TDRD3: variants seen among roughly 807,000 people sequenced by gnomAD.
TDRD3 encodes the protein tudor domain containing 3.
Under a neutral mutation model 86.7 loss-of-function variants are expected in TDRD3, and 45 were observed. The ratio of observed to expected loss-of-function variants is 0.52; its 90% CI spans 0.41 to 0.67. The LOEUF (loss-of-function observed/expected upper bound fraction) is 0.67. Among genes scored for constraint, TDRD3 ranks in the 30% least tolerant of loss-of-function variants. The pLI is 0.00. For missense variants in TDRD3, 814 were observed against 889.0 expected (o/e 0.92, Z 1.07); for synonymous variants, 298 against 301.7 (o/e 0.99, Z 0.13).
intron 1 of TDRD3, among the ~76,000 whole-genome samples, chr13:60,429,968 A>G (rs745778171): frequency 2.0e-5 from 3 of 152,210 alleles, no homozygotes; most frequent in Admixed American, 6.5e-5. Context: ...CTGTATTCCA[A>G]GCATATGCTA....
intron 1 of TDRD3, among the ~76,000 whole-genome samples, chr13:60,429,524 G>A (rs940935978): frequency 1.3e-5 from 2 of 152,122 alleles, no homozygotes; most frequent in Admixed American, 6.6e-5. Flanking sequence ...AACAATAGCA[G>A]TTCATTTTGC....
intron 1 of TDRD3, among the ~76,000 whole-genome samples, chr13:60,430,525 A>G (rs1336954680): frequency 6.6e-6 from 1 of 152,188 alleles, no homozygotes; most frequent in Non-Finnish European, 1.5e-5. Context: ...GTATGAAAAT[A>G]TAGAATTAGA....
At chr13:60,525,902 T>G (rs1250479174) in intron 10 of TDRD3, among the ~76,000 whole-genome samples, 10 of 152,230 alleles carry the variant, frequency 6.6e-5, no homozygotes. Flanking sequence ...TTCCTATTAA[T>G]ATAGTTCTCC....
At chr13:60,501,278 A>G (rs1379869903) in intron 8 of TDRD3, among the ~76,000 whole-genome samples, 2 of 152,104 alleles carry the variant, frequency 1.3e-5, no homozygotes, top group Non-Finnish European at 2.9e-5. Context: ...TTGTGTGGGG[A>G]ACAACAGCTA....
In TDRD3 at chr13:60,397,386, G is replaced by A; in HGVS notation, c.22G>A (p.Ala8Thr). 6.7e-7 allele frequency: 1 copy of A among 1,499,794 alleles called. No homozygotes were observed. Among genetic ancestry groups the A allele is most frequent in the Middle Eastern group, 2.4e-4 (1 of 4,198 alleles). The allele number at this position is 1,499,794 out of a possible 1,614,324, so 92.9% of individuals were successfully genotyped here. The change falls in exon 1 of 14, where the codon GCG (alanine) becomes ACG (threonine). Residue 8 changes from alanine (A) to threonine (T), a missense_variant. Coordinates refer to ENST00000377881, the MANE Select transcript of TDRD3 (RefSeq NM_001146070.2). MAQVAGA[A>T]LSQAGWYLSD... ...TACCATGGCCCAGGTGGCCGGCGCGGCGTTGTCCCAGGCGGGTTGGTAAGT... is the reference window on the plus strand; with the variant it reads ...TACCATGGCCCAGGTGGCCGGCGCGACGTTGTCCCAGGCGGGTTGGTAAGT...
intron 1 of TDRD3, among the ~76,000 whole-genome samples, chr13:60,401,617 T>C (rs1954104754): frequency 6.6e-6 from 1 of 152,250 alleles, no homozygotes; most frequent in South Asian, 2.1e-4. Context: ...AAAGAACATG[T>C]AGTCTTAGGA....
intron 5 of TDRD3, among the ~76,000 whole-genome samples, chr13:60,480,777 G>T (rs1185228457): frequency 2.0e-5 from 3 of 152,066 alleles, no homozygotes; most frequent in African/African-American, 7.3e-5. Flanking sequence ...AGTGAGGAGG[G>T]CCCCACAGGC....
intron 10 of TDRD3, among the ~76,000 whole-genome samples, chr13:60,526,394 G>A (rs1957433201): frequency 6.6e-6 from 1 of 152,120 alleles, no homozygotes; most frequent in Middle Eastern, 3.4e-3. Flanking sequence ...AAAAATGTCT[G>A]GAACAAAAGC....
At chr13:60,449,057 G>T (rs1955473554) in intron 3 of TDRD3, among the ~76,000 whole-genome samples, 1 of 152,022 alleles carries the variant, frequency 6.6e-6, no homozygotes, top group Non-Finnish European at 1.5e-5. Context: ...AAGTAGGAGT[G>T]ACTGGTCTCA....
chr13:60,485,071 G>C (rs1211449801), intron 6 of TDRD3, among the ~76,000 whole-genome samples: 1 of 152,088 alleles, frequency 6.6e-6, no homozygotes, highest in Non-Finnish European at 1.5e-5. Flanking sequence ...AGGTAATGCT[G>C]ACTGTGTATT....
chr13:60,447,175 C>T (rs2137992485), intron 3 of TDRD3, among the ~76,000 whole-genome samples: 1 of 152,256 alleles, frequency 6.6e-6, no homozygotes, highest in East Asian at 1.9e-4. Flanking sequence ...CAAAAACTAA[C>T]TTAGAAAACT....
intron 5 of TDRD3, among the ~76,000 whole-genome samples, chr13:60,474,676 G>A (rs534913514): frequency 2.8e-4 from 43 of 151,908 alleles, no homozygotes; most frequent in African/African-American, 9.9e-4. Context: ...CTTTACATTC[G>A]TTACGAAGGT....
intron 1 of TDRD3, among the ~76,000 whole-genome samples, chr13:60,400,733 G>C (rs1954071435): frequency 6.8e-6 from 1 of 146,434 alleles, no homozygotes; most frequent in South Asian, 2.1e-4. Context: ...GCGAGACTGT[G>C]TCTCAAAAAA....
chr13:60,498,958 C>T (rs1005658460), intron 8 of TDRD3, among the ~76,000 whole-genome samples: 2 of 152,052 alleles, frequency 1.3e-5, no homozygotes, highest in African/African-American at 4.8e-5. Flanking sequence ...GCGGACTCAT[C>T]CTGTGGTCAT....
chr13:60,399,001 T>C (rs923494649), intron 1 of TDRD3, among the ~76,000 whole-genome samples: 2 of 152,208 alleles, frequency 1.3e-5, no homozygotes, highest in Non-Finnish European at 2.9e-5. Flanking sequence ...TTTTACTGCT[T>C]TCCAACATGA....
At chr13:60,414,214 C>T (rs1954437360) in intron 1 of TDRD3, among the ~76,000 whole-genome samples, 2 of 151,832 alleles carry the variant, frequency 1.3e-5, no homozygotes, top group South Asian at 4.2e-4. Context: ...AAGGACATGT[C>T]TATTACATCT....
rs531512413 is a variant in TDRD3 at position 60,510,762 on chromosome 13, T to G, written c.1141+7T>G. ...GGAACTTTGAATGTGGAAGGTAAGC[T>G]AATTTAAAGTTGATTCCTTTTTTTT... On this transcript the variant is annotated splice_region_variant and intron_variant, in intron 10 of 13. Coordinates refer to ENST00000377881, the MANE Select transcript of TDRD3 (RefSeq NM_001146070.2). The G allele has an allele frequency of 6.5e-7, 1 of 1,528,932 alleles. No homozygotes were observed. Among genetic ancestry groups the G allele is most frequent in the South Asian group, 1.3e-5 (1 of 76,394 alleles). 94.7% of individuals were successfully genotyped at this position (1,528,932 alleles called of 1,614,324 possible).
chr13:60,413,367 A>C (rs1594901959), intron 1 of TDRD3, among the ~76,000 whole-genome samples: 1 of 152,162 alleles, frequency 6.6e-6, no homozygotes, highest in Admixed American at 6.6e-5. Context: ...GTTTACGAGC[A>C]TGGGCTCTTG....
chr13:60,420,228 G>A (rs1954621152), intron 1 of TDRD3, among the ~76,000 whole-genome samples: 2 of 152,054 alleles, frequency 1.3e-5, no homozygotes, highest in Admixed American at 1.3e-4. Context: ...ACTTCTTAAT[G>A]TTGATTTGTA....
Sources: allele counts gnomAD v4.1 joint callset (sites outside exome capture counted in the v4.1 genomes callset), GRCh38; gene constraint gnomAD v4.1.1; transcripts MANE v1.5; gene names NCBI Gene and HGNC (gene_info 2026-07-23, HGNC 2026-07-21).